The following NALF1 variants were observed in gnomAD, a reference collection of about 807,000 sequenced individuals.
NALF1 encodes family with sequence similarity 155 member A.
A neutral mutation model predicts 48.4 loss-of-function variants in NALF1; 3 were observed. That is an observed-to-expected ratio of 0.06 (90% CI 0.03 to 0.16). NALF1 has a LOEUF of 0.16. Among genes scored for constraint, NALF1 ranks in the 10% least tolerant of loss-of-function variants. The pLI, the probability that NALF1 is intolerant of heterozygous loss-of-function variation, is 1.00. For synonymous variants in NALF1, 262 were observed against 245.7 expected (o/e 1.07, Z -0.62); for missense variants, 526 against 571.5 (o/e 0.92, Z 0.81).
intron 1 of NALF1, among the ~76,000 whole-genome samples, chr13:107,630,561 G>A (rs1247555067): frequency 6.6e-6 from 1 of 152,000 alleles, no homozygotes; most frequent in African/African-American, 2.4e-5. Context: ...CTTTTTACCT[G>A]ATGTCCCTGC....
chr13:107,274,795 A>G (rs1881247288), intron 1 of NALF1, among the ~76,000 whole-genome samples: 1 of 152,190 alleles, frequency 6.6e-6, no homozygotes, highest in African/African-American at 2.4e-5. Context: ...TGGGTATGTA[A>G]GAGAATACTG....
rs149185371 is a variant in NALF1 at position 107,206,115 on chromosome 13, T to A, written c.1087+4469A>T. ...ATTTTAGCTCAATAATGCCTAACAT[T>A]AAATGACATGTTTCACCCTGACAGC... On this transcript the variant is annotated intron_variant, in intron 2 of 2. Transcript: ENST00000375915. Among the ~76,000 whole-genome samples, 67 of 152,294 alleles carry A rather than the reference T, an allele frequency of 4.4e-4. No homozygotes were observed. The East Asian group carries it at 0.013, about 29-fold the overall frequency.
intron 1 of NALF1, among the ~76,000 whole-genome samples, chr13:107,211,251 T>G (rs915101280): frequency 2.6e-5 from 4 of 152,194 alleles, no homozygotes; most frequent in Admixed American, 2.0e-4. Flanking sequence ...TGTTTAGATC[T>G]TGGACTTTGA....
intron 1 of NALF1, among the ~76,000 whole-genome samples, chr13:107,354,976 G>C (rs1882937582): frequency 6.6e-6 from 1 of 152,180 alleles, no homozygotes; most frequent in Non-Finnish European, 1.5e-5. Flanking sequence ...GTCACTCAAG[G>C]TTTGGAGAGG....
At chr13:107,857,661 A>C (rs1434864508) in intron 1 of NALF1, among the ~76,000 whole-genome samples, 6 of 152,208 alleles carry the variant, frequency 3.9e-5, no homozygotes, top group Non-Finnish European at 7.3e-5. Context: ...AACTGAACTT[A>C]TGTTTTCCAT....
At chr13:107,784,994 C>A (rs571890909) in intron 1 of NALF1, among the ~76,000 whole-genome samples, 92 of 152,130 alleles carry the variant, frequency 6.0e-4, no homozygotes, top group African/African-American at 2.0e-3. Context: ...AATCGCGGAA[C>A]CAACCCAAAT....
intron 1 of NALF1, among the ~76,000 whole-genome samples, chr13:107,289,492 T>C (rs1243310405): frequency 1.3e-5 from 2 of 152,212 alleles, no homozygotes; most frequent in East Asian, 3.8e-4. Flanking sequence ...AAGTAAGTAA[T>C]ATATTACAGA....
At chr13:107,473,831 G>T (rs1885137508) in intron 1 of NALF1, among the ~76,000 whole-genome samples, 1 of 152,146 alleles carries the variant, frequency 6.6e-6, no homozygotes, top group Admixed American at 6.5e-5. Flanking sequence ...ACAAAAGTGC[G>T]ACTTCTCCCA....
At chr13:107,218,021 G>A (rs1012417936) in intron 1 of NALF1, among the ~76,000 whole-genome samples, 2 of 152,190 alleles carry the variant, frequency 1.3e-5, no homozygotes, top group South Asian at 2.1e-4. Flanking sequence ...ACAGCTCTGC[G>A]ACCTTGCCCT....
At chr13:107,319,081 A>G (rs1389812292) in intron 1 of NALF1, among the ~76,000 whole-genome samples, 3 of 152,078 alleles carry the variant, frequency 2.0e-5, no homozygotes, top group South Asian at 2.1e-4. Flanking sequence ...AAAAGTGCTC[A>G]AAGATGGAGG....
chr13:107,778,587 T>G (rs1322368584), intron 1 of NALF1, among the ~76,000 whole-genome samples: 1 of 151,164 alleles, frequency 6.6e-6, no homozygotes, highest in East Asian at 1.9e-4. Context: ...ACAGGAGTTG[T>G]TTTTTTTCTG....
At chr13:107,438,827 CAA>C (rs61686895) in intron 1 of NALF1, among the ~76,000 whole-genome samples, 12 of 17,956 alleles carry the variant, frequency 6.7e-4, no homozygotes, top group African/African-American at 1.8e-3. Context: ...GACTCCATCT[CAA>C]AAAAAAAAAA....
chr13:107,404,877 T>A (rs1244049639), intron 1 of NALF1, among the ~76,000 whole-genome samples: 1 of 152,128 alleles, frequency 6.6e-6, no homozygotes, highest in African/African-American at 2.4e-5. Flanking sequence ...ACTTGTGACC[T>A]CAGTGTCCAC....
At chr13:107,234,086 G>A (rs1015210534) in intron 1 of NALF1, among the ~76,000 whole-genome samples, 2 of 152,086 alleles carry the variant, frequency 1.3e-5, no homozygotes, top group Admixed American at 6.5e-5. Context: ...CCAGAGTTTC[G>A]AATGAGAAAT....
intron 2 of NALF1, among the ~76,000 whole-genome samples, chr13:107,186,489 T>C (rs140425968): frequency 2.6e-4 from 40 of 152,248 alleles, no homozygotes; most frequent in African/African-American, 9.6e-4. Context: ...TGCCTCAGCC[T>C]CCTGAGCAGC....
rs187638125 is a variant in NALF1, at chr13:107,796,470, A to G, written c.915+69212T>C. ...CATTCGATGTGAACAAATGATTGAGATGTATTTAATATCACTTTTCACTGG... is the reference window on the plus strand; with the variant it reads ...CATTCGATGTGAACAAATGATTGAGGTGTATTTAATATCACTTTTCACTGG... On this transcript the variant is annotated intron_variant, in intron 1 of 2. Transcript: ENST00000375915. Among the ~76,000 whole-genome samples, 1,068 of 152,264 alleles carry G rather than the reference A, an allele frequency of 7.0e-3. 12 individuals carry two copies. The highest frequency in any genetic ancestry group is 0.024 in the African/African-American group (1,013 of 41,544).
At chr13:107,824,598 C>G (rs1239895213) in intron 1 of NALF1, among the ~76,000 whole-genome samples, 1 of 152,150 alleles carries the variant, frequency 6.6e-6, no homozygotes, top group African/African-American at 2.4e-5. Flanking sequence ...CTGTACTAAT[C>G]CAGATTGAGG....
At chr13:107,635,121 T>C (rs1432734287) in intron 1 of NALF1, among the ~76,000 whole-genome samples, 1 of 152,186 alleles carries the variant, frequency 6.6e-6, no homozygotes, top group East Asian at 1.9e-4. Context: ...TATAAACTGG[T>C]GGGCTTTTGA....
At chr13:107,549,646 C>A (rs1231459981) in intron 1 of NALF1, among the ~76,000 whole-genome samples, 1 of 152,070 alleles carries the variant, frequency 6.6e-6, no homozygotes, top group Non-Finnish European at 1.5e-5. Context: ...TTTTTGTATA[C>A]TAATTGAGAG....
Sources: allele counts gnomAD v4.1 joint callset (sites outside exome capture counted in the v4.1 genomes callset), GRCh38; gene constraint gnomAD v4.1.1; transcripts MANE v1.5; gene names NCBI Gene and HGNC (gene_info 2026-07-23, HGNC 2026-07-21).